The following CLNK variants were observed in gnomAD, a reference collection of about 807,000 sequenced individuals.
CLNK encodes cytokine-dependent hematopoietic cell linker.
CLNK carries 74 observed loss-of-function variants against 68.6 expected under a neutral mutation model. The ratio of observed to expected loss-of-function variants is 1.08; its 90% confidence interval spans 0.89 to 1.31. CLNK has a LOEUF of 1.31. Among genes scored for constraint, CLNK ranks in the 50% most tolerant of loss-of-function variants. The pLI is 0.00. For missense variants in CLNK, 553 were observed against 515.3 expected (o/e 1.07, Z -0.71); for synonymous variants, 198 against 172.2 (o/e 1.15, Z -1.17).
At chr4:10,650,295 G>A (rs571256901) in intron 2 of CLNK, among the ~76,000 whole-genome samples, 29 of 152,154 alleles carry the variant, frequency 1.9e-4, no homozygotes, top group South Asian at 1.0e-3. Context: ...TCTAATCAAA[G>A]TTTCAGAAAA....
chr4:10,530,677 C>T (rs1431371710), intron 12 of CLNK, among the ~76,000 whole-genome samples: 1 of 152,196 alleles, frequency 6.6e-6, no homozygotes, highest in African/African-American at 2.4e-5. Context: ...ACTGTCCTCT[C>T]AGACTGACCA....
rs1351813262 is a variant in CLNK at position 10,488,749 on chromosome 4, A to G, written c.*1718T>C. On this transcript the variant is annotated 3_prime_UTR_variant, in exon 19 of 19. Transcript: ENST00000226951. ...GAGCAGGTATTTGGATAGTGGGTAG[A>G]TGCTAAGAGCTTTTCCCAGAGAGCT... 6.6e-6 allele frequency: 1 copy of G among 152,232 alleles called. No individual in the cohort carries two copies. The highest frequency in any genetic ancestry group is 1.5e-5 in the Non-Finnish European group (1 of 68,040). 9.4% of individuals were successfully genotyped at this position (152,232 alleles called of 1,614,324 possible).
At chr4:10,522,743 CATAATT>C (rs1293503454) in intron 14 of CLNK, among the ~76,000 whole-genome samples, 1 of 152,166 alleles carries the variant, frequency 6.6e-6, no homozygotes, top group Non-Finnish European at 1.5e-5. Context: ...ATCCTTGTAT[CATAATT>C]ATAATGTAGA....
chr4:10,724,963 T>C, the CLNK span, among the ~76,000 whole-genome samples: 4 of 152,074 alleles, frequency 2.6e-5, no homozygotes, highest in Non-Finnish European at 5.9e-5. Flanking sequence ...TGGAAGAACT[T>C]ATTTGTGAGG....
the CLNK span, among the ~76,000 whole-genome samples, chr4:10,703,750 G>T: frequency 6.6e-6 from 1 of 152,118 alleles, no homozygotes; most frequent in South Asian, 2.1e-4. Flanking sequence ...CAACAAATAT[G>T]TATAGCATGT....
At chr4:10,539,713 A>T (rs6810784) in intron 11 of CLNK, among the ~76,000 whole-genome samples, 8,432 of 152,228 alleles carry the variant, frequency 0.055, 558 homozygotes, top group East Asian at 0.18. Flanking sequence ...TATCAGAGGG[A>T]TGGTTTTATA....
chr4:10,511,811 T>A (rs560316462), intron 16 of CLNK, among the ~76,000 whole-genome samples: 2 of 152,350 alleles, frequency 1.3e-5, no homozygotes, highest in Admixed American at 6.5e-5. Flanking sequence ...TTGTAAATAA[T>A]GTTATGAACA....
At chr4:10,672,685 T>G (rs944772685) in intron 1 of CLNK, among the ~76,000 whole-genome samples, 21 of 152,242 alleles carry the variant, frequency 1.4e-4, no homozygotes, top group African/African-American at 4.6e-4. Context: ...AAATATAATG[T>G]CCCAGAAAGT....
intron 2 of CLNK, among the ~76,000 whole-genome samples, chr4:10,616,811 T>TATATATATATATATAC (rs1722251646): frequency 5.8e-5 from 4 of 68,866 alleles, no homozygotes. Context: ...TATATATATA[T>TATATATATATATATAC]ATATATATAT....
At chr4:10,696,843 A>C in the CLNK span, among the ~76,000 whole-genome samples, 1 of 152,170 alleles carries the variant, frequency 6.6e-6, no homozygotes. Flanking sequence ...TCTAAGATTG[A>C]GTTTACAGTG....
Position 10,580,737 on chromosome 4 carries a change from G to A in CLNK, c.112+4190C>T, listed in dbSNP as rs191891903. ...ATATTTTTGTAAAATGGTACAATGCGTTTGTGCTTAAGATAAGTCTTATTA... is the reference window on the plus strand; with the variant it reads ...ATATTTTTGTAAAATGGTACAATGCATTTGTGCTTAAGATAAGTCTTATTA... On this transcript the variant is annotated intron_variant, in intron 4 of 18. Transcript: ENST00000226951. 1.5e-4 allele frequency among the ~76,000 whole-genome samples: 23 copies of A among 152,264 alleles called. 1 individual carries two copies. The highest frequency in any genetic ancestry group is 3.9e-4 in the East Asian group (2 of 5,184).
chr4:10,490,348 T>A lies in CLNK; in HGVS notation c.*119A>T, dbSNP rs576068761. 1.8e-6 allele frequency: 2 copies of A among 1,104,006 alleles called. No homozygotes were observed. The highest frequency in any genetic ancestry group is 5.8e-5 in the Admixed American group (2 of 34,386). The allele number at this position is 1,104,006 out of a possible 1,614,324, so 68.4% of individuals were successfully genotyped here. Reference sequence around the variant, plus strand: ...TTTCCACTCTCTGTTATAGAGTGTTTTTCTTTTCTCCAAAGTTAAAAAAGT... The same window carrying A: ...TTTCCACTCTCTGTTATAGAGTGTTATTCTTTTCTCCAAAGTTAAAAAAGT... On this transcript the variant is annotated 3_prime_UTR_variant, in exon 19 of 19. Transcript: ENST00000226951.
At chr4:10,532,379 A>G (rs1234472823) in intron 11 of CLNK, 96 bp from the exon 12 acceptor site, 8 of 989,162 alleles carry the variant, frequency 8.1e-6, no homozygotes, top group Non-Finnish European at 1.3e-5. Flanking sequence ...TTACATTTTC[A>G]TTGCCAAATT....
At chr4:10,714,952 GT>G in the CLNK span, among the ~76,000 whole-genome samples, 5 of 151,178 alleles carry the variant, frequency 3.3e-5, no homozygotes, top group South Asian at 2.1e-4. Context: ...TGTACCTTAA[GT>G]TTTTTTTTCC....
At chr4:10,699,576 C>T in the CLNK span, among the ~76,000 whole-genome samples, 1 of 142,654 alleles carries the variant, frequency 7.0e-6, no homozygotes, top group Non-Finnish European at 1.5e-5. Context: ...ACAGTGGCAC[C>T]ATGTCAGCTC....
chr4:10,601,811 A>G (rs908575460), intron 2 of CLNK, among the ~76,000 whole-genome samples: 1 of 152,196 alleles, frequency 6.6e-6, no homozygotes, highest in African/African-American at 2.4e-5. Context: ...TGAATCACAA[A>G]AGCTTTTTAA....
At position 10,551,431 on chromosome 4, in the gene CLNK, A is replaced by ATATAT. The variant is rs144035918; in HGVS notation, c.445+6975_445+6976insATATA. ...GGCTAATTTTTTTGTATATATATAT[A>ATATAT]TTTTTTTTTAGTAGAGTTGGGGTTT... On this transcript the variant is annotated intron_variant, in intron 8 of 18. Transcript: ENST00000226951. Among the ~76,000 whole-genome samples the ATATAT allele has an allele frequency of 6.3e-3, 948 of 149,386 alleles. 4 individuals are homozygous for ATATAT. Among genetic ancestry groups the ATATAT allele is most frequent in the Non-Finnish European group, 0.01 (681 of 67,510 alleles).
intron 11 of CLNK, among the ~76,000 whole-genome samples, chr4:10,538,428 C>A (rs1476764663): frequency 1.3e-5 from 2 of 152,360 alleles, no homozygotes; most frequent in East Asian, 3.9e-4. Context: ...TATGCCTAGT[C>A]TCAATATTTT....
intron 2 of CLNK, among the ~76,000 whole-genome samples, chr4:10,639,411 C>T (rs916081165): frequency 6.6e-6 from 1 of 152,222 alleles, no homozygotes; most frequent in Admixed American, 6.5e-5. Flanking sequence ...ATATGTCCTG[C>T]TGGGCTGGGT....
Sources: allele counts gnomAD v4.1 joint callset (sites outside exome capture counted in the v4.1 genomes callset), GRCh38; gene constraint gnomAD v4.1.1; transcripts MANE v1.5; gene names NCBI Gene and HGNC (gene_info 2026-07-23, HGNC 2026-07-21).